Variants in UTP4 observed in about 807,000 individuals in gnomAD.
The protein encoded by UTP4 is U3 small nucleolar RNA-associated protein 4 homolog.
A neutral mutation model predicts 82.4 loss-of-function variants in UTP4; 45 were observed. The ratio of observed to expected loss-of-function variants is 0.55; its 90% CI spans 0.43 to 0.70. The LOEUF (loss-of-function observed/expected upper bound fraction) is 0.70, where lower values mean the gene tolerates loss of function less well. UTP4 is among the 30% of genes least tolerant of loss of function. The probability of loss-of-function intolerance (pLI) is 0.00; values close to 1 mark genes in which losing one functional copy is unlikely to be tolerated. For synonymous variants in UTP4, 348 were observed against 300.3 expected (o/e 1.16, Z -1.64); for missense variants, 819 against 858.3 (o/e 0.95, Z 0.57).
Position 69,165,440 on chromosome 16 carries a change from A to G in UTP4, c.1747A>G (p.Ile583Val), listed in dbSNP as rs1437191083. The G allele has an allele frequency of 3.1e-6, 5 of 1,613,922 alleles. No homozygotes were observed. The highest frequency in any genetic ancestry group is 4.2e-6 in the Non-Finnish European group (5 of 1,179,940). The change falls in exon 15 of 17, where the codon ATC becomes GTC. Residue 583 changes from isoleucine to valine, a missense_variant. Ile to Val is a conservative substitution (Grantham distance 29, BLOSUM62 3). Transcript: ENST00000314423. Reference sequence around the variant, plus strand: ...CCTTTGGCTCCAAAGGGATACTCCTATCACACACATCAGTTTTCATCCCAA... The same window carrying G: ...CCTTTGGCTCCAAAGGGATACTCCTGTCACACACATCAGTTTTCATCCCAA... The part of the protein sequence containing the change: ...HHLWLQRDTP[I>V]THISFHPKRP...
chr16:69,156,962 C>G (rs969664224), intron 11 of UTP4, 122 bp from the exon 12 acceptor site: 4 of 936,864 alleles, frequency 4.3e-6, no homozygotes, highest in East Asian at 4.9e-5. Flanking sequence ...TGTTCTGTGC[C>G]GAGTCAGTTG....
chr16:69,159,579 T>C (rs1057316341), intron 12 of UTP4, among the ~76,000 whole-genome samples: 1 of 151,804 alleles, frequency 6.6e-6, no homozygotes, highest in African/African-American at 2.4e-5. Flanking sequence ...TCCCAGCTAC[T>C]TGGGAGGCTG....
At position 69,158,091 on chromosome 16, in the gene UTP4, T is replaced by G. The variant is rs1024215794; in HGVS notation, c.1444+851T>G. ...TGATACTTCCTATGGGCCTTTCACCTCTCCCTTGTCCTGGATTTTAGCTGC... is the reference window on the plus strand; with the variant it reads ...TGATACTTCCTATGGGCCTTTCACCGCTCCCTTGTCCTGGATTTTAGCTGC... On this transcript the variant is annotated intron_variant, in intron 12 of 16. Coordinates refer to ENST00000314423, the MANE Select transcript of UTP4 (RefSeq NM_032830.3). 1.1e-4 allele frequency among the ~76,000 whole-genome samples: 16 copies of G among 146,048 alleles called. No individual in the cohort carries two copies. The Admixed American group carries it at 1.1e-3, about 10-fold the overall frequency.
chr16:69,150,793 C>G lies in UTP4; in HGVS notation c.911-20C>G, dbSNP rs756242909. ...GAGGATGACTTCTAATTCTGTACAC[C>G]TTCTCCCCTGCTTTCCCAGGCACTG... On this transcript the variant is annotated intron_variant, in intron 7 of 16. Coordinates refer to ENST00000314423, the MANE Select transcript of UTP4 (RefSeq NM_032830.3). 1.7e-5 allele frequency: 27 copies of G among 1,613,080 alleles called. No homozygotes were observed. The highest frequency in any genetic ancestry group is 2.1e-5 in the Non-Finnish European group (25 of 1,179,062).
chr16:69,145,097 A>T (rs1464573382), intron 6 of UTP4, among the ~76,000 whole-genome samples: 2 of 151,848 alleles, frequency 1.3e-5, no homozygotes, highest in Non-Finnish European at 2.9e-5. Flanking sequence ...AGCCGAGATC[A>T]TGCCATTGCC....
At chr16:69,164,482 T>G (rs986073924) in intron 14 of UTP4, among the ~76,000 whole-genome samples, 3 of 151,474 alleles carry the variant, frequency 2.0e-5, no homozygotes, top group Non-Finnish European at 4.4e-5. Context: ...CTCTCACACA[T>G]TGTGTAAATT....
intron 10 of UTP4, 148 bp from the exon 11 acceptor site, chr16:69,155,722 CA>C (rs1469647080): frequency 1.2e-6 from 1 of 821,682 alleles, no homozygotes; most frequent in Non-Finnish European, 2.0e-6. Flanking sequence ...CTGAAATAAT[CA>C]TATTAATGCA....
intron 6 of UTP4, among the ~76,000 whole-genome samples, chr16:69,147,644 TG>T (rs1963153548): frequency 6.6e-6 from 1 of 152,320 alleles, no homozygotes; most frequent in Admixed American, 6.5e-5. Flanking sequence ...TTGGAATATT[TG>T]CATATACATA....
chr16:69,163,208 C>T (rs373417078), intron 14 of UTP4, 30 bp downstream of exon 14: 46 of 1,541,300 alleles, frequency 3.0e-5, no homozygotes, highest in African/African-American at 9.5e-5. Context: ...TTTCTATTCC[C>T]TTCCTGCTGG....
chr16:69,147,714 C>A (rs116562286), intron 6 of UTP4, among the ~76,000 whole-genome samples: 2,723 of 152,116 alleles, frequency 0.018, 83 homozygotes, highest in African/African-American at 0.062. Context: ...ATGTTTCATA[C>A]GTCCCTGATA....
In UTP4 at chr16:69,151,712, A is replaced by T. The variant is rs556130298; in HGVS notation, c.1002+808A>T. 3.5e-4 allele frequency among the ~76,000 whole-genome samples: 53 copies of T among 151,954 alleles called. 2 individuals are homozygous for T. The South Asian group carries it at 9.8e-3, about 28-fold the overall frequency. ...CTTCATTCCTTCTGTTTTTGAGGCAAGCCACTGCAAAGACATTTATGGGGG... is the reference window on the plus strand; with the variant it reads ...CTTCATTCCTTCTGTTTTTGAGGCATGCCACTGCAAAGACATTTATGGGGG... On this transcript the variant is annotated intron_variant, in intron 8 of 16. Coordinates refer to ENST00000314423, the MANE Select transcript of UTP4 (RefSeq NM_032830.3).
intron 6 of UTP4, among the ~76,000 whole-genome samples, chr16:69,146,554 G>A (rs765716191): frequency 3.3e-5 from 5 of 152,178 alleles, no homozygotes; most frequent in Admixed American, 6.5e-5. Context: ...TCCATCTTTC[G>A]GCTGTTGTAA....
chr16:69,168,195 G>C (rs1030777085), intron 16 of UTP4, among the ~76,000 whole-genome samples: 3 of 151,764 alleles, frequency 2.0e-5, no homozygotes, highest in Admixed American at 6.6e-5. Context: ...CCAGCACTTT[G>C]GGAGGCCAAG....
chr16:69,146,956 C>G (rs1479157560), intron 6 of UTP4, among the ~76,000 whole-genome samples: 2 of 145,482 alleles, frequency 1.4e-5, no homozygotes, highest in Admixed American at 1.4e-4. Context: ...TGAGTGCGAT[C>G]GCGCCACTGC....
chr16:69,137,713 A>T (rs1962846207), intron 3 of UTP4, 88 bp from the exon 4 acceptor site: 5 of 775,362 alleles, frequency 6.4e-6, no homozygotes, highest in Non-Finnish European at 1.2e-5. Flanking sequence ...GAATAGAGAG[A>T]GTGTGTGTTG....
chr16:69,158,911 G>A (rs974976898), intron 12 of UTP4, among the ~76,000 whole-genome samples: 2 of 152,114 alleles, frequency 1.3e-5, no homozygotes, highest in South Asian at 2.1e-4. Context: ...ACTAGTTGTC[G>A]TGTTGCCAGA....
At chr16:69,136,091 G>A (rs1438673830) in intron 2 of UTP4, among the ~76,000 whole-genome samples, 1 of 152,228 alleles carries the variant, frequency 6.6e-6, no homozygotes, top group East Asian at 1.9e-4. Flanking sequence ...ACCTTCATTT[G>A]CCTCATGCAA....
chr16:69,139,402 G>A (rs893030056), intron 4 of UTP4, among the ~76,000 whole-genome samples: 3 of 151,938 alleles, frequency 2.0e-5, no homozygotes, highest in Admixed American at 1.3e-4. Context: ...ACTTTGGGAG[G>A]CTGAGGCGGG....
At chr16:69,134,208 A>G (rs1317627300) in intron 2 of UTP4, among the ~76,000 whole-genome samples, 2 of 152,154 alleles carry the variant, frequency 1.3e-5, no homozygotes, top group Non-Finnish European at 2.9e-5. Context: ...CGGGTGCAAC[A>G]TCTTAGTTCA....
Sources: gnomAD v4.1 joint callset for allele counts (sites outside exome capture counted in the v4.1 genomes callset) on GRCh38, gnomAD v4.1.1 for gene constraint, MANE v1.5 for transcripts, NCBI Gene and HGNC (gene_info 2026-07-23, HGNC 2026-07-21) for gene names.